The following CCSER1 variants were observed in gnomAD, a reference collection of about 807,000 sequenced individuals.
CCSER1 encodes the protein serine-rich coiled-coil domain-containing protein 1.
CCSER1 carries 41 observed loss-of-function variants against 82.0 expected under a neutral mutation model. The ratio of observed to expected loss-of-function variants is 0.50; its 90% CI spans 0.39 to 0.65. The LOEUF (loss-of-function observed/expected upper bound fraction) is 0.65, where lower values mean the gene tolerates loss of function less well. Among genes scored for constraint, CCSER1 ranks in the 30% least tolerant of loss-of-function variants. CCSER1 has a pLI of 0.00. For synonymous variants in CCSER1, 414 were observed against 383.9 expected (o/e 1.08, Z -0.92); for missense variants, 1,119 against 1,064.2 (o/e 1.05, Z -0.72).
chr4:90,597,320 A>G (rs17017254), intron 5 of CCSER1, among the ~76,000 whole-genome samples: 10,508 of 152,084 alleles, frequency 0.069, 763 homozygotes, highest in African/African-American at 0.19. Flanking sequence ...CCAACTGAAC[A>G]TGTGTTATTA....
At chr4:90,785,913 A>G (rs1005525947) in intron 7 of CCSER1, among the ~76,000 whole-genome samples, 2 of 152,204 alleles carry the variant, frequency 1.3e-5, no homozygotes, top group Non-Finnish European at 2.9e-5. Flanking sequence ...TTTTTCATCA[A>G]CATTTGTTAT....
intron 3 of CCSER1, among the ~76,000 whole-genome samples, chr4:90,314,219 T>C (rs1735772105): frequency 6.6e-6 from 1 of 152,228 alleles, no homozygotes; most frequent in Non-Finnish European, 1.5e-5. Flanking sequence ...TATGTGAGTA[T>C]GTGTTTACAT....
chr4:90,189,813 G>A (rs183836336), intron 1 of CCSER1, among the ~76,000 whole-genome samples: 6 of 152,042 alleles, frequency 3.9e-5, no homozygotes, highest in Non-Finnish European at 7.4e-5. Flanking sequence ...GAAAAGCTAT[G>A]TGTGTCTGTT....
At chr4:90,698,980 A>T (rs1257673813) in intron 6 of CCSER1, among the ~76,000 whole-genome samples, 1 of 152,080 alleles carries the variant, frequency 6.6e-6, no homozygotes, top group Non-Finnish European at 1.5e-5. Context: ...GTGCACCTGT[A>T]GTCCCAGCTA....
intron 5 of CCSER1, among the ~76,000 whole-genome samples, chr4:90,562,535 T>G (rs1778899412): frequency 6.6e-6 from 1 of 152,050 alleles, no homozygotes; most frequent in South Asian, 2.1e-4. Flanking sequence ...TACATTTTAT[T>G]TTTTATTTAT....
At position 90,558,574 on chromosome 4, in the gene CCSER1, G is replaced by A. The variant is rs1778386098; in HGVS notation, c.1725-69451G>A. ...TCATCTTTCCCTCTAGCTAATGACA[G>A]CAGCACTATCATCATAAATATTATA... On this transcript the variant is annotated intron_variant, in intron 5 of 10. Transcript: ENST00000509176. Among the ~76,000 whole-genome samples, 3 of 151,984 alleles carry A rather than the reference G, an allele frequency of 2.0e-5. No individual in the cohort carries two copies. In the South Asian group the frequency reaches 6.2e-4, roughly 32 times the overall value.
At chr4:91,281,200 C>T (rs1398369672) in intron 10 of CCSER1, among the ~76,000 whole-genome samples, 1 of 152,140 alleles carries the variant, frequency 6.6e-6, no homozygotes, top group Non-Finnish European at 1.5e-5. Context: ...CCTTCCATGT[C>T]TTAGGCATTT....
At chr4:90,290,608 G>A in intron 1 of CCSER1, among the ~76,000 whole-genome samples, 1 of 151,800 alleles carries the variant, frequency 6.6e-6, no homozygotes, top group East Asian at 1.9e-4. Context: ...GAAATCTGTA[G>A]GACGGTACAA....
chr4:90,461,749 A>G (rs1305658376), intron 4 of CCSER1, among the ~76,000 whole-genome samples: 2 of 151,938 alleles, frequency 1.3e-5, no homozygotes, highest in African/African-American at 4.8e-5. Context: ...TGTGCCTGGC[A>G]CTCTACTAAG....
chr4:90,978,496 A>G (rs1228293814), intron 9 of CCSER1, among the ~76,000 whole-genome samples: 4 of 150,928 alleles, frequency 2.7e-5, no homozygotes, highest in Admixed American at 1.3e-4. Context: ...TTGCTTCATT[A>G]AATCTGCAGT....
At chr4:91,292,869 T>C (rs1301091904) in intron 10 of CCSER1, among the ~76,000 whole-genome samples, 1 of 151,982 alleles carries the variant, frequency 6.6e-6, no homozygotes, top group Non-Finnish European at 1.5e-5. Context: ...TCTATACTAT[T>C]CCATGCTCCA....
intron 5 of CCSER1, among the ~76,000 whole-genome samples, chr4:90,619,751 G>A (rs1027390889): frequency 1.3e-5 from 2 of 152,024 alleles, no homozygotes; most frequent in Admixed American, 6.6e-5. Context: ...CAGATTTGGT[G>A]TGTATCTTTA....
At chr4:90,888,170 CTT>C (rs973158404) in intron 8 of CCSER1, among the ~76,000 whole-genome samples, 7 of 152,008 alleles carry the variant, frequency 4.6e-5, no homozygotes, top group Middle Eastern at 3.2e-3. Context: ...TTGAAAATAA[CTT>C]AATGCTACTG....
chr4:91,503,161 T>C (rs1759302063), intron 10 of CCSER1, among the ~76,000 whole-genome samples: 1 of 151,572 alleles, frequency 6.6e-6, no homozygotes, highest in Non-Finnish European at 1.5e-5. Flanking sequence ...GCTAACATGG[T>C]GAAACCCCGT....
intron 8 of CCSER1, among the ~76,000 whole-genome samples, chr4:90,879,660 GGAA>G (rs1561295379): frequency 6.8e-6 from 1 of 147,914 alleles, no homozygotes; most frequent in Non-Finnish European, 1.5e-5. Flanking sequence ...AAGAAGAAGA[GGAA>G]AGAAGAAGAA....
At chr4:90,508,781 A>C (rs1330373496) in intron 5 of CCSER1, among the ~76,000 whole-genome samples, 1 of 151,942 alleles carries the variant, frequency 6.6e-6, no homozygotes, top group Non-Finnish European at 1.5e-5. Flanking sequence ...TATCTTTTTT[A>C]TTTAAAACAT....
At chr4:91,071,002 A>C (rs1353594615) in intron 9 of CCSER1, among the ~76,000 whole-genome samples, 1 of 152,210 alleles carries the variant, frequency 6.6e-6, no homozygotes, top group East Asian at 1.9e-4. Flanking sequence ...AATAAGAATA[A>C]ATAAATTAAT....
intron 5 of CCSER1, among the ~76,000 whole-genome samples, chr4:90,506,618 A>G (rs1336957711): frequency 6.6e-6 from 1 of 152,074 alleles, no homozygotes; most frequent in African/African-American, 2.4e-5. Flanking sequence ...ACAAAAAATT[A>G]GCCAGGCATG....
At chr4:90,638,846 T>C (rs935595127) in intron 6 of CCSER1, among the ~76,000 whole-genome samples, 2 of 152,142 alleles carry the variant, frequency 1.3e-5, no homozygotes, top group African/African-American at 2.4e-5. Flanking sequence ...GGAGGAAGTA[T>C]ATTGCAGTGG....
Sources: gnomAD v4.1 joint callset for allele counts (sites outside exome capture counted in the v4.1 genomes callset) on GRCh38, gnomAD v4.1.1 for gene constraint, MANE v1.5 for transcripts, NCBI Gene and HGNC (gene_info 2026-07-23, HGNC 2026-07-21) for gene names.